PKHD1L1: variants seen among roughly 807,000 people sequenced by gnomAD.
The protein encoded by PKHD1L1 is fibrocystin-L.
PKHD1L1 carries 434 observed loss-of-function variants against 462.9 expected under a neutral mutation model. The observed-to-expected ratio is 0.94, with a 90% CI of 0.87 to 1.02. The LOEUF (loss-of-function observed/expected upper bound fraction) is 1.02. Ranked by LOEUF, PKHD1L1 falls within the 50% of genes least tolerant of loss-of-function variation. The pLI, the probability that PKHD1L1 is intolerant of heterozygous loss-of-function variation, is 0.00. For synonymous variants in PKHD1L1, 1,781 were observed against 1,750.0 expected, an observed-to-expected ratio of 1.02 and a Z score of -0.44; for missense variants, 5,202 against 5,096.1, an observed-to-expected ratio of 1.02 and a Z score of -0.63.
intron 26 of PKHD1L1, among the ~76,000 whole-genome samples, chr8:109,429,699 T>A (rs1814982878): frequency 6.6e-6 from 1 of 152,272 alleles, no homozygotes; most frequent in East Asian, 1.9e-4. Context: ...AATAGAGGAA[T>A]CTTTCCTTCA....
chr8:109,415,519 C>T (rs1224934675), intron 21 of PKHD1L1, among the ~76,000 whole-genome samples: 3 of 152,112 alleles, frequency 2.0e-5, no homozygotes, highest in African/African-American at 7.2e-5. Flanking sequence ...TCCCCGGACT[C>T]TACCAGGAGG....
intron 13 of PKHD1L1, 89 bp downstream of exon 13, chr8:109,400,433 AT>A: frequency 7.3e-7 from 1 of 1,376,478 alleles, no homozygotes. Context: ...ACGAATGAAC[AT>A]TTTTAAAATG....
At chr8:109,430,483 T>C (rs1324316068) in intron 27 of PKHD1L1, among the ~76,000 whole-genome samples, 3 of 152,172 alleles carry the variant, frequency 2.0e-5, no homozygotes, top group Admixed American at 2.0e-4. Flanking sequence ...TATAATCGTG[T>C]CCTAGATTTG....
chr8:109,426,422 C>G (rs1399197303), intron 24 of PKHD1L1, among the ~76,000 whole-genome samples: 3 of 151,706 alleles, frequency 2.0e-5, no homozygotes, highest in African/African-American at 7.3e-5. Context: ...TCCAAGGCCA[C>G]AGTATGAGGT....
chr8:109,408,327 A>G, intron 18 of PKHD1L1, 121 bp downstream of exon 18: 1 of 888,364 alleles, frequency 1.1e-6, no homozygotes, highest in Non-Finnish European at 1.6e-6. Context: ...CAAATTATTT[A>G]TCACCTGATC....
At chr8:109,389,216 A>G in intron 8 of PKHD1L1, 64 bp downstream of exon 8, 2 of 1,342,022 alleles carry the variant, frequency 1.5e-6, no homozygotes, top group Non-Finnish European at 2.1e-6. Flanking sequence ...CCTGTTTTGT[A>G]TTCTCCTAGA....
intron 67 of PKHD1L1, among the ~76,000 whole-genome samples, chr8:109,502,593 T>C (rs1416568200): frequency 6.6e-6 from 1 of 152,196 alleles, no homozygotes; most frequent in Non-Finnish European, 1.5e-5. Context: ...TCTTAAGTTG[T>C]AAGGTTCCTC....
intron 68 of PKHD1L1, among the ~76,000 whole-genome samples, chr8:109,504,914 C>G (rs1421630754): frequency 2.0e-5 from 3 of 151,986 alleles, no homozygotes; most frequent in Non-Finnish European, 4.4e-5. Flanking sequence ...AACTCTGCCA[C>G]TCAGGCTGGA....
chr8:109,481,015 A>G (rs1172233338), intron 55 of PKHD1L1, among the ~76,000 whole-genome samples: 5 of 151,998 alleles, frequency 3.3e-5, no homozygotes, highest in Non-Finnish European at 7.4e-5. Flanking sequence ...AGCCTTACAC[A>G]TTATGCATGA....
intron 12 of PKHD1L1, among the ~76,000 whole-genome samples, chr8:109,399,801 A>G (rs932242071): frequency 9.9e-5 from 15 of 152,184 alleles, no homozygotes; most frequent in African/African-American, 3.6e-4. Flanking sequence ...CATGTGTATT[A>G]TACATAATCC....
rs10661778 is a variant in PKHD1L1 at position 109,487,890 on chromosome 8, GAGGA to G, written c.9880+1119_9880+1122del. On this transcript the variant is annotated intron_variant, in intron 59 of 77. Coordinates refer to ENST00000378402, the MANE Select transcript of PKHD1L1 (RefSeq NM_177531.6). Reference sequence around the variant, plus strand: ...AGACAGAGAGAAAGAGAGAGAGAGAGAGGAAGGAAGGAAGGAAGGAAGGAAGGAA... The same window carrying G: ...AGACAGAGAGAAAGAGAGAGAGAGAGAGGAAGGAAGGAAGGAAGGAAGGAA... Among the ~76,000 whole-genome samples, 482 of 69,314 alleles carry G rather than the reference GAGGA, an allele frequency of 7.0e-3. 2 individuals are homozygous for G. Among genetic ancestry groups the G allele is most frequent in the East Asian group, 0.023 (66 of 2,812 alleles). 45.5% of individuals were successfully genotyped at this position (69,314 alleles called of 152,430 possible).
intron 63 of PKHD1L1, among the ~76,000 whole-genome samples, chr8:109,495,775 A>T (rs754784402): frequency 5.3e-5 from 8 of 152,192 alleles, no homozygotes; most frequent in African/African-American, 1.9e-4. Context: ...AACAGATACC[A>T]GGGAACCTGA....
intron 58 of PKHD1L1, 58 bp from the exon 59 acceptor site, chr8:109,486,590 C>A: frequency 6.7e-7 from 1 of 1,490,354 alleles, no homozygotes; most frequent in South Asian, 1.4e-5. Flanking sequence ...TGCAAAGGAA[C>A]TAGTAAAGAC....
In PKHD1L1 at chr8:109,449,466, T is replaced by A. The variant is rs374537104; in HGVS notation, c.6154T>A (p.Cys2052Ser). The change falls in exon 40 of 78, where the codon TGT (cysteine) becomes AGT (serine). Residue 2052 changes from cysteine to serine, a missense_variant. Coordinates refer to ENST00000378402, the MANE Select transcript of PKHD1L1 (RefSeq NM_177531.6). ...RLRSDYTTLL[C>S]EIPSNNGTGA... ...TAGATCTGATTACACAACACTATTA[T>A]GTGAAATTCCATCTAATAATGGTAA... The A allele has an allele frequency of 1.9e-6, 3 of 1,597,190 alleles. No homozygotes were observed. Among genetic ancestry groups the A allele is most frequent in the Non-Finnish European group, 1.7e-6 (2 of 1,171,382 alleles).
chr8:109,484,797 G>A (rs1586604055), intron 57 of PKHD1L1, among the ~76,000 whole-genome samples: 2 of 151,824 alleles, frequency 1.3e-5, no homozygotes, highest in Non-Finnish European at 2.9e-5. Context: ...AAGGTATATT[G>A]CTGTGGTTTT....
intron 37 of PKHD1L1, 92 bp downstream of exon 37, chr8:109,443,994 TTATTGAGCTA>T (rs1180721493): frequency 9.0e-7 from 1 of 1,116,496 alleles, no homozygotes; most frequent in Non-Finnish European, 1.3e-6. Flanking sequence ...TTTACCAGCT[TTATTGAGCTA>T]TATCACATAC....
intron 60 of PKHD1L1, 60 bp downstream of exon 60, chr8:109,490,115 A>T: frequency 5.7e-6 from 6 of 1,058,626 alleles, no homozygotes; most frequent in Non-Finnish European, 8.2e-6. Context: ...TTTTATTTTC[A>T]TTTGACTTCT....
intron 21 of PKHD1L1, among the ~76,000 whole-genome samples, chr8:109,416,579 A>G (rs1253958385): frequency 2.0e-5 from 3 of 152,176 alleles, no homozygotes; most frequent in African/African-American, 7.2e-5. Flanking sequence ...ACATAGTTCA[A>G]TCCTATGTAT....
chr8:109,520,273 T>C (rs978412822), intron 73 of PKHD1L1, among the ~76,000 whole-genome samples: 31 of 152,090 alleles, frequency 2.0e-4, no homozygotes, highest in African/African-American at 6.8e-4. Flanking sequence ...ACTTTGCCTG[T>C]TATTTTAGGA....
Sources: gnomAD v4.1 joint callset for allele counts (sites outside exome capture counted in the v4.1 genomes callset) on GRCh38, gnomAD v4.1.1 for gene constraint, MANE v1.5 for transcripts, NCBI Gene and HGNC (gene_info 2026-07-23, HGNC 2026-07-21) for gene names.